Variants in MACROH2A1 observed in about 807,000 individuals in gnomAD.
The protein encoded by MACROH2A1 is macroH2A.1 histone.
A neutral mutation model predicts 31.6 loss-of-function variants in MACROH2A1; 2 were observed. The observed-to-expected ratio is 0.06, with a 90% confidence interval of 0.03 to 0.20. MACROH2A1 has a LOEUF of 0.20. Ranked by LOEUF, MACROH2A1 falls within the 10% of genes least tolerant of loss-of-function variation. The pLI is 1.00. For missense variants in MACROH2A1, 230 were observed against 474.0 expected, an observed-to-expected ratio of 0.49 and a Z score of 4.78; for synonymous variants, 169 against 189.6, an observed-to-expected ratio of 0.89 and a Z score of 0.89.
chr5:135,377,125 T>G (rs2149886849), intron 2 of MACROH2A1, among the ~76,000 whole-genome samples: 1 of 152,296 alleles, frequency 6.6e-6, no homozygotes, highest in East Asian at 1.9e-4. Context: ...TGGAATGAGG[T>G]CTGGGGCTTT....
intron 2 of MACROH2A1, among the ~76,000 whole-genome samples, chr5:135,380,631 G>C (rs114120894): frequency 1.3e-5 from 2 of 152,104 alleles, no homozygotes; most frequent in African/African-American, 4.8e-5. Context: ...GTTAGCTGAG[G>C]GGTCTAGGGG....
chr5:135,378,333 C>T (rs922941927), intron 2 of MACROH2A1, among the ~76,000 whole-genome samples: 1 of 152,250 alleles, frequency 6.6e-6, no homozygotes. Context: ...CAGGGGACTT[C>T]GCCCCTCCTG....
intron 7 of MACROH2A1, chr5:135,344,943 C>A (rs968013010): frequency 1.3e-5 from 2 of 152,222 alleles, no homozygotes; most frequent in African/African-American, 2.4e-5. Flanking sequence ...TGGGAAAGGA[C>A]CCACAGGCTG....
chr5:135,358,087 C>T (rs1762394238), intron 5 of MACROH2A1: 1 of 983,536 alleles, frequency 1.0e-6, no homozygotes, highest in Admixed American at 6.2e-5. Context: ...AAATTAATGT[C>T]TATAATATTT....
intron 5 of MACROH2A1, chr5:135,356,805 A>T (rs943353925): frequency 3.9e-5 from 6 of 152,162 alleles, no homozygotes; most frequent in African/African-American, 1.4e-4. Flanking sequence ...TGGTTCTTTT[A>T]AAAAAATATG....
chr5:135,351,898 T>A (rs1005316924), intron 6 of MACROH2A1, among the ~76,000 whole-genome samples: 1 of 151,132 alleles, frequency 6.6e-6, no homozygotes, highest in Admixed American at 6.6e-5. Context: ...TTGGATAGAA[T>A]CCTTGCTTTT....
At chr5:135,358,196 A>C (rs1268589139) in intron 5 of MACROH2A1, 9 of 985,292 alleles carry the variant, frequency 9.1e-6, no homozygotes, top group Non-Finnish European at 1.1e-5. Flanking sequence ...AGCCAATAAA[A>C]AGCCAGAAAG....
chr5:135,358,463 G>A (rs1240201328), intron 5 of MACROH2A1: 1 of 985,288 alleles, frequency 1.0e-6, no homozygotes, highest in Non-Finnish European at 1.2e-6. Flanking sequence ...AGGAAGGGCA[G>A]TTTCTTGGTA....
In MACROH2A1 at chr5:135,398,707, C is replaced by A. The variant is rs184941205; in HGVS notation, c.-34+355G>T. On this transcript the variant is annotated intron_variant, in intron 1 of 8. Transcript: ENST00000511689. The surrounding 1 kb of genome is among the most constrained non-coding windows in gnomAD (Gnocchi z 4.6). ...CTAGCCAGCGCCGCGGGGCCTCCTG[C>A]GGCCTCGGGCCTGGCCCGTGAGCCC... 3.2e-3 allele frequency among the ~76,000 whole-genome samples: 486 copies of A among 152,284 alleles called. 1 individual carries two copies. The highest frequency in any genetic ancestry group is 0.011 in the African/African-American group (465 of 41,558).
chr5:135,363,105 C>T (rs1209132931), intron 4 of MACROH2A1, among the ~76,000 whole-genome samples: 3 of 151,948 alleles, frequency 2.0e-5, no homozygotes, highest in African/African-American at 4.8e-5. Context: ...AGTGGTGGCT[C>T]ATGCCTGTAA....
intron 2 of MACROH2A1, among the ~76,000 whole-genome samples, chr5:135,383,620 A>G (rs1199026331): frequency 1.3e-5 from 2 of 151,998 alleles, no homozygotes; most frequent in African/African-American, 4.8e-5. Context: ...TTAATTTAAG[A>G]ATTCAGATAA....
chr5:135,392,730 A>G (rs931817042), intron 1 of MACROH2A1, among the ~76,000 whole-genome samples: 8 of 152,236 alleles, frequency 5.3e-5, no homozygotes, highest in Admixed American at 5.2e-4. Context: ...ATGGCAATTA[A>G]GCATTATAAT....
intron 1 of MACROH2A1, among the ~76,000 whole-genome samples, chr5:135,396,327 C>T (rs1027039140): frequency 6.6e-6 from 1 of 152,170 alleles, no homozygotes; most frequent in Admixed American, 6.5e-5. Flanking sequence ...AGACGTGTTC[C>T]CAATAAGAAT....
At chr5:135,383,691 A>G (rs1185722159) in intron 2 of MACROH2A1, among the ~76,000 whole-genome samples, 10 of 133,374 alleles carry the variant, frequency 7.5e-5, no homozygotes, top group Non-Finnish European at 1.3e-4. Flanking sequence ...TTCCTGTGTG[A>G]TGTGGTGTGG....
Position 135,334,789 on chromosome 5 carries a change from G to A in MACROH2A1, c.*187C>T, listed in dbSNP as rs980502399. The A allele has an allele frequency of 5.1e-6, 3 of 582,760 alleles. No homozygotes were observed. Among genetic ancestry groups the A allele is most frequent in the Non-Finnish European group, 6.2e-6 (2 of 324,514 alleles). The allele number at this position is 582,760 out of a possible 1,614,324, so 36.1% of individuals were successfully genotyped here. ...TTAACAACAGTAATGCCAACTATCA[G>A]TGCTAACATAAAAACATTTTAGAAG... On this transcript the variant is annotated 3_prime_UTR_variant, in exon 9 of 9. Transcript: ENST00000511689.
In MACROH2A1 at chr5:135,350,366, T is replaced by A. The variant is rs1761370592; in HGVS notation, c.688+2580A>T. ...CTTTAAGGCCATTTTCAGGAACAAGTGTGCTTCTGACATGGAGACAGATTG... is the reference window on the plus strand; with the variant it reads ...CTTTAAGGCCATTTTCAGGAACAAGAGTGCTTCTGACATGGAGACAGATTG... On this transcript the variant is annotated intron_variant, in intron 6 of 8. Transcript: ENST00000511689. 2.6e-5 allele frequency among the ~76,000 whole-genome samples: 4 copies of A among 152,132 alleles called. 1 individual carries two copies. Among genetic ancestry groups the A allele is most frequent in the African/African-American group, 9.6e-5 (4 of 41,514 alleles).
At chr5:135,352,459 A>G (rs1244872959) in intron 6 of MACROH2A1, among the ~76,000 whole-genome samples, 3 of 152,250 alleles carry the variant, frequency 2.0e-5, no homozygotes, top group Non-Finnish European at 4.4e-5. Context: ...TTTCAGTTCT[A>G]AAGAAAAGTT....
chr5:135,369,795 T>C lies in MACROH2A1; in HGVS notation c.280-192A>G, dbSNP rs1213310661. On this transcript the variant is annotated intron_variant, in intron 3 of 8. Transcript: ENST00000511689. This position sits in a 1 kb window ranked among gnomAD's most constrained non-coding sequence, Gnocchi z 4.3. ...CAGTCCCCAGAGTCCCTCACTCAAATGGAATTTAGATCATCTCTCTCCTTT... is the reference window on the plus strand; with the variant it reads ...CAGTCCCCAGAGTCCCTCACTCAAACGGAATTTAGATCATCTCTCTCCTTT... Among the ~76,000 whole-genome samples the C allele has an allele frequency of 6.6e-6, 1 of 152,146 alleles. No homozygotes were observed. Among genetic ancestry groups the C allele is most frequent in the African/African-American group, 2.4e-5 (1 of 41,438 alleles).
rs1581405524 is a variant in MACROH2A1, at chr5:135,398,979, G to C, written c.-34+83C>G. 6.7e-6 allele frequency: 1 copy of C among 150,042 alleles called. No individual in the cohort carries two copies. The highest frequency in any genetic ancestry group is 1.5e-5 in the Non-Finnish European group (1 of 67,360). 9.3% of individuals were successfully genotyped at this position (150,042 alleles called of 1,614,324 possible). ...GCCCGCACCACACCGGTGCGCGCCA[G>C]GCCGGGCCGCTCCCGGGCACCCGCG... On this transcript the variant is annotated intron_variant, in intron 1 of 8. Transcript: ENST00000511689. The surrounding 1 kb of genome is among the most constrained non-coding windows in gnomAD (Gnocchi z 4.6).
Sources: gnomAD v4.1 joint callset for allele counts (sites outside exome capture counted in the v4.1 genomes callset) on GRCh38, gnomAD v4.1.1 for gene constraint, Gnocchi (gnomAD v3.1) non-coding constraint, MANE v1.5 for transcripts, NCBI Gene and HGNC (gene_info 2026-07-23, HGNC 2026-07-21) for gene names.